ANKRD17: variants seen among roughly 807,000 people sequenced by gnomAD.
ANKRD17 encodes ankyrin repeat domain 17, also known as ankyrin repeat domain-containing protein 17.
In ANKRD17, 19 loss-of-function variants were observed where a neutral mutation model predicts 229.7. The observed-to-expected ratio is 0.08, with a 90% CI of 0.06 to 0.12. ANKRD17 has a LOEUF of 0.12. ANKRD17 is among the 10% of genes least tolerant of loss of function. ANKRD17 has a pLI of 1.00. For missense variants in ANKRD17, 2,176 were observed against 3,176.8 expected (o/e 0.68, Z 7.57); for synonymous variants, 1,112 against 1,146.1 (o/e 0.97, Z 0.60).
chr4:73,227,674 C>T (rs1387482889), intron 1 of ANKRD17, among the ~76,000 whole-genome samples: 1 of 151,244 alleles, frequency 6.6e-6, no homozygotes, highest in African/African-American at 2.4e-5. Context: ...AGAGTGAAAC[C>T]TCTCATAAAA....
At chr4:73,228,455 T>C (rs989842560) in intron 1 of ANKRD17, among the ~76,000 whole-genome samples, 1 of 152,272 alleles carries the variant, frequency 6.6e-6, no homozygotes, top group Admixed American at 6.5e-5. Context: ...TATGTAAAAG[T>C]AATACATGTA....
At chr4:73,228,300 C>G (rs1742702096) in intron 1 of ANKRD17, among the ~76,000 whole-genome samples, 2 of 152,102 alleles carry the variant, frequency 1.3e-5, no homozygotes, top group Non-Finnish European at 2.9e-5. Context: ...CATGATTTTA[C>G]CTTTTATTTC....
rs1745727938 is a variant in ANKRD17 at position 73,258,735 on chromosome 4, C to G, written c.-67G>C. 6.5e-6 allele frequency: 9 copies of G among 1,382,626 alleles called. No homozygotes were observed. Among genetic ancestry groups the G allele is most frequent in the Non-Finnish European group, 8.3e-6 (9 of 1,077,960 alleles). The allele number at this position is 1,382,626 out of a possible 1,614,324, so 85.6% of individuals were successfully genotyped here. Reference sequence around the variant, plus strand: ...GGGCTACGCTCTACCGCGACTTCGGCCGCACTGGGGCCGACACAGCAATCG... The same window carrying G: ...GGGCTACGCTCTACCGCGACTTCGGGCGCACTGGGGCCGACACAGCAATCG... On this transcript the variant is annotated 5_prime_UTR_variant, in exon 1 of 34. Transcript: ENST00000358602.
chr4:73,135,096 T>C (rs1233116934), intron 16 of ANKRD17, 21 bp downstream of exon 16: 1 of 1,590,884 alleles, frequency 6.3e-7, no homozygotes, highest in Non-Finnish European at 8.6e-7. Flanking sequence ...AAAAACCATC[T>C]CTCTTAAGTT....
chr4:73,099,784 G>A (rs1393969351), intron 25 of ANKRD17, among the ~76,000 whole-genome samples: 5 of 152,222 alleles, frequency 3.3e-5, no homozygotes, highest in Non-Finnish European at 5.9e-5. Flanking sequence ...CAGGAAGGCA[G>A]GAGGGGTGTG....
chr4:73,124,233 G>C (rs1429518165), intron 18 of ANKRD17, among the ~76,000 whole-genome samples: 2 of 136,120 alleles, frequency 1.5e-5, no homozygotes, highest in Middle Eastern at 4.3e-3. Flanking sequence ...ATAGAGAAGG[G>C]AATCTATGGA....
intron 1 of ANKRD17, among the ~76,000 whole-genome samples, chr4:73,243,955 T>C (rs1744263011): frequency 2.0e-5 from 3 of 152,168 alleles, no homozygotes; most frequent in African/African-American, 7.2e-5. Context: ...ACAACAGATA[T>C]TTATTTTCTC....
chr4:73,187,987 T>A (rs1393025426), intron 1 of ANKRD17, among the ~76,000 whole-genome samples: 1 of 152,168 alleles, frequency 6.6e-6, no homozygotes, highest in Non-Finnish European at 1.5e-5. Context: ...TACTTATATT[T>A]CATAGTGAAC....
intron 2 of ANKRD17, among the ~76,000 whole-genome samples, chr4:73,165,837 T>C (rs1450578215): frequency 6.6e-6 from 1 of 152,182 alleles, no homozygotes; most frequent in Non-Finnish European, 1.5e-5. Flanking sequence ...GGCAACCTTA[T>C]GGAGATGACA....
At chr4:73,168,320 A>G (rs2148948652) in intron 2 of ANKRD17, among the ~76,000 whole-genome samples, 1 of 152,326 alleles carries the variant, frequency 6.6e-6, no homozygotes. Flanking sequence ...TAGTGTTCAT[A>G]GTGTATTTAT....
intron 2 of ANKRD17, among the ~76,000 whole-genome samples, chr4:73,173,800 G>A (rs1734353466): frequency 6.6e-6 from 1 of 152,118 alleles, no homozygotes; most frequent in Non-Finnish European, 1.5e-5. Context: ...AGCCTTGTAA[G>A]CACACCCAGT....
chr4:73,195,162 T>C (rs965982164), intron 1 of ANKRD17, among the ~76,000 whole-genome samples: 5 of 152,280 alleles, frequency 3.3e-5, no homozygotes, highest in Admixed American at 2.6e-4. Context: ...GTGAATTACA[T>C]TGATGGATCA....
At chr4:73,102,845 C>T (rs1057148776) in intron 24 of ANKRD17, 1 of 264,354 alleles carries the variant, frequency 3.8e-6, no homozygotes, top group Non-Finnish European at 7.0e-6. Context: ...ATTTTTTGAT[C>T]ATTAATTTGG....
At chr4:73,198,941 A>T (rs1169959062) in intron 1 of ANKRD17, among the ~76,000 whole-genome samples, 1 of 152,216 alleles carries the variant, frequency 6.6e-6, no homozygotes, top group Non-Finnish European at 1.5e-5. Flanking sequence ...ACATAAAAAG[A>T]TATTCAAGAG....
chr4:73,258,438 G>C lies in ANKRD17; in HGVS notation c.231C>G (p.Asn77Lys). The stretch of plus-strand genomic sequence containing the variant: ...TGCTGCTGGGGGGTCGGCAAGTCCG[G>C]TTACGCTTGGCCTTGTGGTGCTGCT... The part of the protein sequence containing the change: ...PQQQHHKAKR[N>K]RTCRPPSSSE... The change falls in exon 1 of 34, where the codon AAC becomes AAG. Residue 77 changes from asparagine (N) to lysine (K), a missense_variant. Asn to Lys is a moderately conservative substitution (Grantham distance 94). This residue lies in a region of ANKRD17 where 196 missense variants were observed against 190.0 expected (regional missense o/e 1.03). Transcript: ENST00000358602. 2 of 1,610,132 alleles carry C rather than the reference G, an allele frequency of 1.2e-6. No individual in the cohort carries two copies. The highest frequency in any genetic ancestry group is 1.7e-6 in the Non-Finnish European group (2 of 1,179,090).
chr4:73,085,906 G>A (rs1343476095), intron 29 of ANKRD17, among the ~76,000 whole-genome samples: 13 of 151,976 alleles, frequency 8.6e-5, no homozygotes, highest in Admixed American at 8.5e-4. Flanking sequence ...TGGGAGGATT[G>A]CTTGAGCCCA....
At chr4:73,202,719 T>C (rs1738843380) in intron 1 of ANKRD17, among the ~76,000 whole-genome samples, 1 of 152,180 alleles carries the variant, frequency 6.6e-6, no homozygotes, top group South Asian at 2.1e-4. Flanking sequence ...ATAAATACTC[T>C]TTAAAAGAGG....
rs1723612065 is a variant in ANKRD17 at position 73,098,891 on chromosome 4, CG to C, written c.4574-372del. 4.1e-6 allele frequency: 5 copies of C among 1,227,576 alleles called. No homozygotes were observed. The Admixed American group carries it at 8.5e-5, about 21-fold the overall frequency. 76.0% of individuals were successfully genotyped at this position (1,227,576 alleles called of 1,614,324 possible). A position where few individuals can be genotyped will look rare whatever the true frequency, so the allele number is the denominator to read the frequency against. The stretch of plus-strand genomic sequence containing the variant: ...GCAGGAAATGGACAGCACTGAGAAG[CG>C]GGGCCGGGGCAGGCCCCGCAAGCAG... On this transcript the variant is annotated intron_variant, in intron 25 of 33. Coordinates refer to ENST00000358602, the MANE Select transcript of ANKRD17 (RefSeq NM_032217.5).
At chr4:73,123,434 T>C (rs1727016745) in intron 18 of ANKRD17, among the ~76,000 whole-genome samples, 1 of 151,986 alleles carries the variant, frequency 6.6e-6, no homozygotes, top group Non-Finnish European at 1.5e-5. Context: ...AAGAAAAAAG[T>C]GACACAAGTA....
Sources: allele counts gnomAD v4.1 joint callset (sites outside exome capture counted in the v4.1 genomes callset), GRCh38; gene constraint gnomAD v4.1.1; regional missense constraint gnomAD v4.1.1; transcripts MANE v1.5; gene names NCBI Gene and HGNC (gene_info 2026-07-23, HGNC 2026-07-21).